The following MYOM2 variants were observed in gnomAD, a reference collection of about 807,000 sequenced individuals.
MYOM2 encodes the protein myomesin-2.
MYOM2 carries 254 observed loss-of-function variants against 187.6 expected under a neutral mutation model. That is an observed-to-expected ratio of 1.35 (90% CI 1.22 to 1.50). The LOEUF is 1.50. Ranked by LOEUF, MYOM2 falls within the 40% of genes most tolerant of loss-of-function variation. MYOM2 has a pLI of 0.00. For missense variants in MYOM2, 2,796 were observed against 1,924.0 expected, an observed-to-expected ratio of 1.45 and a Z score of -8.48; for synonymous variants, 981 against 753.8, an observed-to-expected ratio of 1.30 and a Z score of -4.94.
chr8:2,105,711 C>T (rs983353148), intron 21 of MYOM2, among the ~76,000 whole-genome samples: 2 of 152,164 alleles, frequency 1.3e-5, no homozygotes, highest in African/African-American at 4.8e-5. Flanking sequence ...AACAACCAAG[C>T]CCCTCCAGGT....
intron 28 of MYOM2, among the ~76,000 whole-genome samples, chr8:2,121,078 C>G (rs991346291): frequency 2.6e-5 from 4 of 152,066 alleles, no homozygotes; most frequent in Non-Finnish European, 2.9e-5. Flanking sequence ...AGGGAAGAAT[C>G]CTGCCAGGTG....
chr8:2,102,675 C>A lies in MYOM2; in HGVS notation c.2628C>A (p.Asp876Glu). ...TTASRYLKVS[D>E]LQQGKTYVFR... ...TCCTCTGTTGTTTCAAGGTCTCTGACCTGCAGCAAGGTAAGACCTATGTCT... is the reference window on the plus strand; with the variant it reads ...TCCTCTGTTGTTTCAAGGTCTCTGAACTGCAGCAAGGTAAGACCTATGTCT... The change falls in exon 21 of 37, where the codon GAC becomes GAA. Residue 876 changes from aspartate (D) to glutamate (E), a missense_variant. Asp to Glu is a conservative substitution (Grantham distance 45). Coordinates refer to ENST00000262113, the MANE Select transcript of MYOM2 (RefSeq NM_003970.4). 6.2e-7 allele frequency: 1 copy of A among 1,610,148 alleles called. No homozygotes were observed. The highest frequency in any genetic ancestry group is 8.5e-7 in the Non-Finnish European group (1 of 1,176,662).
chr8:2,144,610 CAT>C (rs1220804485), intron 36 of MYOM2, 52 bp from the exon 37 acceptor site: 28 of 1,580,320 alleles, frequency 1.8e-5, no homozygotes, highest in Non-Finnish European at 2.2e-5. Context: ...GAGGGGGTGA[CAT>C]GACTTTCCTT....
rs1797229427 is a variant in MYOM2 at position 2,116,001 on chromosome 8, G to T, written c.3222G>T (p.Glu1074Asp). 1 of 1,613,974 alleles carries T rather than the reference G, an allele frequency of 6.2e-7. No homozygotes were observed. Among genetic ancestry groups the T allele is most frequent in the African/African-American group, 1.3e-5 (1 of 74,924 alleles). The change falls in exon 26 of 37, where the codon GAG (glutamate) becomes GAT (aspartate). Residue 1074 changes from glutamate (E) to aspartate (D), a missense_variant. Coordinates refer to ENST00000262113, the MANE Select transcript of MYOM2 (RefSeq NM_003970.4). ...IKCDKATGII[E>D]MVMDRFSIEN... ...GTGACAAAGCTACTGGCATTATTGAGATGGTGATGGATCGATTTAGTATTG... is the reference window on the plus strand; with the variant it reads ...GTGACAAAGCTACTGGCATTATTGATATGGTGATGGATCGATTTAGTATTG...
At chr8:2,049,760 C>T (rs149265190) in intron 1 of MYOM2, among the ~76,000 whole-genome samples, 5 of 152,270 alleles carry the variant, frequency 3.3e-5, no homozygotes, top group African/African-American at 7.2e-5. Flanking sequence ...GTAACTTTGC[C>T]GTGATGATCA....
intron 6 of MYOM2, among the ~76,000 whole-genome samples, chr8:2,066,465 T>G (rs565702631): frequency 6.6e-6 from 1 of 152,210 alleles, no homozygotes; most frequent in South Asian, 2.1e-4. Flanking sequence ...GGGATCGTTG[T>G]AGAGGAAGGG....
intron 12 of MYOM2, 29 bp downstream of exon 12, chr8:2,078,962 G>A: frequency 6.2e-7 from 1 of 1,605,400 alleles, no homozygotes; most frequent in South Asian, 1.1e-5. Flanking sequence ...AGTATCCACT[G>A]TGCCCAGGAA....
At chr8:2,125,264 C>T (rs181547966) in intron 31 of MYOM2, among the ~76,000 whole-genome samples, 1 of 152,274 alleles carries the variant, frequency 6.6e-6, no homozygotes, top group African/African-American at 2.4e-5. Flanking sequence ...TTGATTTTTC[C>T]ATGTGGCATA....
In MYOM2 at chr8:2,076,301, C is replaced by T; in HGVS notation, c.1262+19C>T. ...TGGACCGGTGAGCGTCTTGCATTCT[C>T]CCGGGGATGGGAACGTTCCGCATGG... On this transcript the variant is annotated intron_variant, in intron 11 of 36. Transcript: ENST00000262113. 6.2e-7 allele frequency: 1 copy of T among 1,611,728 alleles called. No individual in the cohort carries two copies. The highest frequency in any genetic ancestry group is 8.5e-7 in the Non-Finnish European group (1 of 1,179,108).
At chr8:2,078,168 A>G (rs1356547328) in intron 11 of MYOM2, among the ~76,000 whole-genome samples, 1 of 152,136 alleles carries the variant, frequency 6.6e-6, no homozygotes, top group Non-Finnish European at 1.5e-5. Context: ...AGGAATTAAT[A>G]TTTTCAAAAG....
rs147123149 is a variant in MYOM2, at chr8:2,069,050, C to T, written c.654-228C>T. 4.2e-3 allele frequency among the ~76,000 whole-genome samples: 646 copies of T among 152,236 alleles called. 3 individuals are homozygous for T. The highest frequency in any genetic ancestry group is 0.013 in the African/African-American group (528 of 41,544). ...GCCAGTACCTTTTTATTCTTAAGGC[C>T]GAAACTGCACCATCTTCTGGGATCA... On this transcript the variant is annotated intron_variant, in intron 6 of 36. Transcript: ENST00000262113.
intron 3 of MYOM2, among the ~76,000 whole-genome samples, chr8:2,054,912 C>CTGGGGAACCAAGTACCTGGATAA (rs200324584): frequency 7.9e-6 from 1 of 127,238 alleles, no homozygotes; most frequent in Admixed American, 7.8e-5. Flanking sequence ...TACCTGGATA[C>CTGGGGAACCAAGTACCTGGATAA]TGGGGAACCA....
Position 2,073,393 on chromosome 8 carries a change from C to A in MYOM2, c.1013C>A (p.Ala338Asp), listed in dbSNP as rs759246408. 1 of 1,613,172 alleles carries A rather than the reference C, an allele frequency of 6.2e-7. No individual in the cohort carries two copies. The highest frequency in any genetic ancestry group is 8.5e-7 in the Non-Finnish European group (1 of 1,179,720). ...WTKMFFGEGQ[A>D]SLSFSHLHKD... ...AAGATGTTCTTTGGAGAAGGCCAGG[C>A]CTCCCTGTCCTTCAGCCACCTGCAC... The change falls in exon 10 of 37, where the codon GCC becomes GAC. Residue 338 changes from alanine to aspartate, a missense_variant. Ala to Asp is a moderately radical substitution (Grantham distance 126). Transcript: ENST00000262113.
chr8:2,094,625 T>G (rs1228921526), intron 17 of MYOM2, among the ~76,000 whole-genome samples: 1 of 152,166 alleles, frequency 6.6e-6, no homozygotes, highest in Non-Finnish European at 1.5e-5. Context: ...TACTCCAGCC[T>G]GGGGGGACAG....
rs1295651689 is a variant in MYOM2 at position 2,052,254 on chromosome 8, C to T, written c.204C>T (p.Cys68=). The T allele has an allele frequency of 1.9e-6, 3 of 1,613,026 alleles. No individual in the cohort carries two copies. The highest frequency in any genetic ancestry group is 2.5e-6 in the Non-Finnish European group (3 of 1,179,784). The change falls in exon 3 of 37, where the codon TGC becomes TGT. Residue 68 remains cysteine (C), a synonymous_variant. Transcript: ENST00000262113. ...SSQTSLGGTI[C]RVCAKRVSTQ... ...AGACGTCCCTGGGAGGAACCATCTG[C>T]AGGGTCTGTGCGAAGCGAGTGAGCA...
intron 32 of MYOM2, among the ~76,000 whole-genome samples, chr8:2,130,812 G>T (rs59279920): frequency 6.6e-6 from 1 of 152,062 alleles, no homozygotes; most frequent in African/African-American, 2.4e-5. Flanking sequence ...CTAGAACTCT[G>T]GTGAGTTTTG....
rs201936648 is a variant in MYOM2 at position 2,108,794 on chromosome 8, C to T, written c.3007C>T (p.Arg1003Cys). ...CTTTTTCTTCGTTTTAGAGCTCGAG[C>T]GTTTGATGGCATTGAGCAATGAAAT... is the stretch of plus-strand genomic sequence containing the variant. The part of the protein sequence containing the change: ...SFVLDPEELE[R>C]LMALSNEIKN... The change falls in exon 24 of 37, where the codon CGT becomes TGT. Residue 1003 changes from arginine (R) to cysteine (C), a missense_variant. Coordinates refer to ENST00000262113, the MANE Select transcript of MYOM2 (RefSeq NM_003970.4). The T allele has an allele frequency of 2.3e-4, 378 of 1,613,654 alleles. 3 individuals are homozygous for T. The highest frequency in any genetic ancestry group is 9.3e-4 in the South Asian group (85 of 90,966).
intron 25 of MYOM2, among the ~76,000 whole-genome samples, chr8:2,113,998 C>G (rs1037525213): frequency 1.3e-5 from 2 of 152,144 alleles, no homozygotes; most frequent in Non-Finnish European, 2.9e-5. Context: ...GGGGAGGGTG[C>G]TCCCAAGGGC....
At chr8:2,053,803 C>T (rs1386440871) in intron 3 of MYOM2, among the ~76,000 whole-genome samples, 1 of 152,198 alleles carries the variant, frequency 6.6e-6, no homozygotes, top group Non-Finnish European at 1.5e-5. Flanking sequence ...TTGTGTGGAG[C>T]CCACGGCTCA....
Sources: allele counts gnomAD v4.1 joint callset (sites outside exome capture counted in the v4.1 genomes callset), GRCh38; gene constraint gnomAD v4.1.1; transcripts MANE v1.5; gene names NCBI Gene and HGNC (gene_info 2026-07-23, HGNC 2026-07-21).